PNPO: variants seen among roughly 807,000 people sequenced by gnomAD.
PNPO encodes the protein pyridoxamine 5'-phosphate oxidase.
A neutral mutation model predicts 35.0 loss-of-function variants in PNPO; 39 were observed. The ratio of observed to expected loss-of-function variants is 1.11; its 90% CI spans 0.86 to 1.45. PNPO has a LOEUF of 1.45. Among genes scored for constraint, PNPO ranks in the 40% most tolerant of loss-of-function variants. The pLI is 0.00. For synonymous variants in PNPO, 115 were observed against 119.8 expected (o/e 0.96, Z 0.26); for missense variants, 288 against 340.0 (o/e 0.85, Z 1.20).
chr17:47,947,534 C>CTTTTTT lies in PNPO; in HGVS notation c.*759_*764dup, dbSNP rs199634607. ...TTTTTCTTTTTTTCTTTTTTCTTTT[C>CTTTTTT]TTTTTTTTTTTTGAGATGGAGTCTC... On this transcript the variant is annotated 3_prime_UTR_variant, in exon 7 of 7. Transcript: ENST00000642017. 9.6e-6 allele frequency: 1 copy of CTTTTTT among 104,608 alleles called. No homozygotes were observed. Among genetic ancestry groups the CTTTTTT allele is most frequent in the South Asian group, 2.8e-4 (1 of 3,518 alleles). 6.5% of individuals were successfully genotyped at this position (104,608 alleles called of 1,614,324 possible).
In PNPO at chr17:47,941,617, C is replaced by A; in HGVS notation, c.-59C>A. On this transcript the variant is annotated 5_prime_UTR_variant, in exon 1 of 7. Coordinates refer to ENST00000642017, the MANE Select transcript of PNPO (RefSeq NM_018129.4). ...AGAAGTCCAGGGTGAGAAATTGGTT[C>A]CGAACTCAAAGGAACCCAGTGCCGG... 2 of 1,469,400 alleles carry A rather than the reference C, an allele frequency of 1.4e-6. No individual in the cohort carries two copies. Among genetic ancestry groups the A allele is most frequent in the South Asian group, 1.3e-5 (1 of 76,674 alleles). 91.0% of individuals were successfully genotyped at this position (1,469,400 alleles called of 1,614,324 possible). A position where few individuals can be genotyped will look rare whatever the true frequency, so the allele number is the denominator to read the frequency against.
At chr17:47,944,924 C>G (rs925345338) in intron 3 of PNPO, 2 of 614,958 alleles carry the variant, frequency 3.3e-6, no homozygotes, top group Non-Finnish European at 5.9e-6. Flanking sequence ...TCAGCCATGA[C>G]CTGTTCCTTC....
Position 47,948,709 on chromosome 17 carries a change from C to G in PNPO, c.*1927C>G, listed in dbSNP as rs2036039405. 6.6e-6 allele frequency: 1 copy of G among 152,330 alleles called. No individual in the cohort carries two copies. Among genetic ancestry groups the G allele is most frequent in the Admixed American group, 6.5e-5 (1 of 15,288 alleles). The allele number at this position is 152,330 out of a possible 1,614,324, so 9.4% of individuals were successfully genotyped here. ...AACCTCTAAACCAAGACCTCCCACC[C>G]TCACAGTCTATGATCCTTTAGTGAC... On this transcript the variant is annotated 3_prime_UTR_variant, in exon 7 of 7. Transcript: ENST00000642017.
Position 47,944,487 on chromosome 17 carries a change from C to T in PNPO, c.264-129C>T, listed in dbSNP as rs79390440. ...GACAAATCCCCAGGAGCACATGGGA[C>T]GGGGTAGCCTGACAGCCCAATAAAG... On this transcript the variant is annotated intron_variant, in intron 2 of 6. Transcript: ENST00000642017. 9.7e-3 allele frequency: 7,663 copies of T among 791,268 alleles called. 70 individuals are homozygous for T. Among genetic ancestry groups the T allele is most frequent in the Non-Finnish European group, 0.012 (5,380 of 442,094 alleles). 49.0% of individuals were successfully genotyped at this position (791,268 alleles called of 1,614,324 possible). A position where few individuals can be genotyped will look rare whatever the true frequency, so the allele number is the denominator to read the frequency against.
At chr17:47,942,494 G>A (rs2035953099) in intron 1 of PNPO, among the ~76,000 whole-genome samples, 1 of 152,080 alleles carries the variant, frequency 6.6e-6, no homozygotes, top group Non-Finnish European at 1.5e-5. Context: ...CAAACTGTTT[G>A]ACAAAAAAGT....
At chr17:47,946,445 AC>A in intron 6 of PNPO, 52 bp downstream of exon 6, 2 of 1,458,004 alleles carry the variant, frequency 1.4e-6, no homozygotes, top group Non-Finnish European at 1.9e-6. Context: ...CCCTGTGTTT[AC>A]TTGAAGCCAC....
chr17:47,944,601 G>A lies in PNPO; in HGVS notation c.264-15G>A. The A allele has an allele frequency of 6.2e-7, 1 of 1,603,514 alleles. No homozygotes were observed. Among genetic ancestry groups the A allele is most frequent in the Non-Finnish European group, 8.5e-7 (1 of 1,170,636 alleles). On this transcript the variant is annotated splice_polypyrimidine_tract_variant and intron_variant, in intron 2 of 6. Coordinates refer to ENST00000642017, the MANE Select transcript of PNPO (RefSeq NM_018129.4). ...AAGCAGACTCTGACCACAGTGCTCT[G>A]CTCTTTGCTCCTAGAGATGGAAAAC...
In PNPO at chr17:47,941,709, T is replaced by G. The variant is rs558509878; in HGVS notation, c.34T>G (p.Phe12Val). The G allele has an allele frequency of 1.3e-6, 2 of 1,542,660 alleles. No homozygotes were observed. The highest frequency in any genetic ancestry group is 2.4e-5 in the South Asian group (2 of 83,816). Reference sequence around the variant, plus strand: ...CTGGCTGCGGGGCGTCACGGCGACGTTCGGGCGACCTGCCGAGTGGCCAGG... The same window carrying G: ...CTGGCTGCGGGGCGTCACGGCGACGGTCGGGCGACCTGCCGAGTGGCCAGG... ...TCWLRGVTAT[F>V]GRPAEWPGYL... The change falls in exon 1 of 7, where the codon TTC becomes GTC. Residue 12 changes from phenylalanine (F) to valine (V), a missense_variant. Physicochemically the swap from Phe to Val is conservative, Grantham distance 50. Transcript: ENST00000642017.
chr17:47,946,125 C>T (rs1598199986), intron 5 of PNPO, 136 bp downstream of exon 5: 1 of 1,266,922 alleles, frequency 7.9e-7, no homozygotes, highest in Admixed American at 1.8e-5. Context: ...GTGAAAAGGA[C>T]AGTGAGAAGG....
Position 47,948,259 on chromosome 17 carries a change from AATG to A in PNPO, c.*1480_*1482del, listed in dbSNP as rs1335257599. 1.3e-5 allele frequency: 2 copies of A among 152,156 alleles called. No individual in the cohort carries two copies. Among genetic ancestry groups the A allele is most frequent in the Admixed American group, 1.3e-4 (2 of 15,276 alleles). The allele number at this position is 152,156 out of a possible 1,614,324, so 9.4% of individuals were successfully genotyped here. ...ATACATTTTCCAAAAAGAAAAATTAAATGATTATAGAGATTATGTTTTTCAGAC... is the reference window on the plus strand; with the variant it reads ...ATACATTTTCCAAAAAGAAAAATTAAATTATAGAGATTATGTTTTTCAGAC... On this transcript the variant is annotated 3_prime_UTR_variant, in exon 7 of 7. Transcript: ENST00000642017.
At position 47,945,561 on chromosome 17, in the gene PNPO, C is replaced by G. The variant is rs1278450823; in HGVS notation, c.366C>G (p.Asp122Glu). The G allele has an allele frequency of 6.2e-7, 1 of 1,612,558 alleles. No individual in the cohort carries two copies. Among genetic ancestry groups the G allele is most frequent in the African/African-American group, 1.3e-5 (1 of 74,886 alleles). Residue 122 changes from aspartate to glutamate, a missense_variant and splice_region_variant, in exon 4 of 7, where the codon GAC becomes GAG. Transcript: ENST00000642017. The surrounding 1 kb of genome is among the most constrained non-coding windows in gnomAD (Gnocchi z 4.0). Reference protein sequence around the residue: ...NFESRKGKELDSNPFASLVFY... With the variant: ...NFESRKGKELESNPFASLVFY... The stretch of plus-strand genomic sequence containing the variant: ...TGTGGATTCTCTTTTACTTCTAGGA[C>G]TCTAATCCCTTTGCTTCCCTTGTCT...
chr17:47,944,183 G>A (rs532117614), intron 2 of PNPO, among the ~76,000 whole-genome samples: 57 of 148,506 alleles, frequency 3.8e-4, no homozygotes, highest in Admixed American at 2.7e-3. Context: ...TTTTTACCAT[G>A]TCCTCACACT....
Position 47,944,711 on chromosome 17 carries a change from A to C in PNPO, c.359A>C (p.Glu120Ala), listed in dbSNP as rs1245491170. Residue 120 changes from glutamate (E) to alanine (A), a missense_variant, in exon 3 of 7, where the codon GAG (glutamate) becomes GCG (alanine). Coordinates refer to ENST00000642017, the MANE Select transcript of PNPO (RefSeq NM_018129.4). ...FTNFESRKGK[E>A]LDSNPFASLV... ...AACTTCGAGAGTCGAAAAGGAAAAG[A>C]GCTGGTGGGTGAAAAGAGCTAGTAA... 3.7e-6 allele frequency: 6 copies of C among 1,612,952 alleles called. No homozygotes were observed. The highest frequency in any genetic ancestry group is 5.1e-6 in the Non-Finnish European group (6 of 1,179,008).
intron 1 of PNPO, 71 bp downstream of exon 1, chr17:47,941,884 G>A (rs1192355101): frequency 6.7e-7 from 1 of 1,489,992 alleles, no homozygotes; most frequent in Non-Finnish European, 9.0e-7. Context: ...CTACAGCGGG[G>A]AGGGGAGTAG....
Position 47,945,335 on chromosome 17 carries a change from G to A in PNPO, c.364-224G>A. ...CCCAGTCTCACTTTGGAGTCCGACT[G>A]GCTTAAACTTAGCTCCACCACTTCC... On this transcript the variant is annotated intron_variant, in intron 3 of 6. Transcript: ENST00000642017. The surrounding 1 kb of genome is among the most constrained non-coding windows in gnomAD (Gnocchi z 4.0). The A allele has an allele frequency of 1.8e-6, 1 of 563,532 alleles. No individual in the cohort carries two copies. The highest frequency in any genetic ancestry group is 3.2e-6 in the Non-Finnish European group (1 of 310,810). 34.9% of individuals were successfully genotyped at this position (563,532 alleles called of 1,614,324 possible).
chr17:47,946,158 GA>G, intron 5 of PNPO, 164 bp from the exon 6 acceptor site: 1 of 1,042,848 alleles, frequency 9.6e-7, no homozygotes, highest in East Asian at 2.4e-5. Context: ...AGGGAGAGGG[GA>G]AATAGGCCTC....
chr17:47,941,904 C>G (rs2035942156), intron 1 of PNPO, 91 bp downstream of exon 1: 1 of 1,418,814 alleles, frequency 7.0e-7, no homozygotes, highest in Admixed American at 2.5e-5. Flanking sequence ...GTAGGAGCCC[C>G]TCGGGGCTTC....
intron 2 of PNPO, among the ~76,000 whole-genome samples, chr17:47,943,964 C>T (rs1017830085): frequency 3.3e-5 from 5 of 152,306 alleles, no homozygotes; most frequent in South Asian, 2.1e-4. Context: ...ACTGTGATCC[C>T]GAAGCATTGG....
rs1567712187 is a variant in PNPO at position 47,941,669 on chromosome 17, G to A, written c.-7G>A. On this transcript the variant is annotated 5_prime_UTR_variant, in exon 1 of 7. Coordinates refer to ENST00000642017, the MANE Select transcript of PNPO (RefSeq NM_018129.4). ...CCACAGCCGGGTCACGTGGCCGGCG[G>A]CCCCCCATGACGTGCTGGCTGCGGG... 3 of 1,525,484 alleles carry A rather than the reference G, an allele frequency of 2.0e-6. No individual in the cohort carries two copies. Among genetic ancestry groups the A allele is most frequent in the Non-Finnish European group, 2.7e-6 (3 of 1,129,562 alleles). 94.5% of individuals were successfully genotyped at this position (1,525,484 alleles called of 1,614,324 possible).
Sources: allele counts gnomAD v4.1 joint callset (sites outside exome capture counted in the v4.1 genomes callset), GRCh38; gene constraint gnomAD v4.1.1; non-coding constraint Gnocchi (gnomAD v3.1); transcripts MANE v1.5; gene names NCBI Gene and HGNC (gene_info 2026-07-23, HGNC 2026-07-21).